RUNX1: variants seen among roughly 807,000 people sequenced by gnomAD.
The protein encoded by RUNX1 is runt-related transcription factor 1.
In RUNX1, 19 loss-of-function variants were observed where a neutral mutation model predicts 42.8. The ratio of observed to expected loss-of-function variants is 0.44; its 90% CI spans 0.31 to 0.65. The LOEUF is 0.65. Among genes scored for constraint, RUNX1 ranks in the 30% least tolerant of loss-of-function variants. The pLI is 0.07. For missense variants in RUNX1, 528 were observed against 672.0 expected, an observed-to-expected ratio of 0.79 and a Z score of 2.37; for synonymous variants, 271 against 289.4, an observed-to-expected ratio of 0.94 and a Z score of 0.64.
chr21:34,954,256 A>G (rs2051179), intron 2 of RUNX1, among the ~76,000 whole-genome samples: 1 of 151,970 alleles, frequency 6.6e-6, no homozygotes, highest in Admixed American at 6.5e-5. Context: ...TCCTACAGTC[A>G]TAGGCCTGGG....
intron 2 of RUNX1, among the ~76,000 whole-genome samples, chr21:34,991,698 T>C (rs1207665691): frequency 6.6e-6 from 1 of 152,210 alleles, no homozygotes; most frequent in Non-Finnish European, 1.5e-5. Flanking sequence ...CACGTCTGTA[T>C]GGTCTGAACT....
At chr21:34,873,170 C>T (rs968173999) in intron 5 of RUNX1, among the ~76,000 whole-genome samples, 1 of 152,194 alleles carries the variant, frequency 6.6e-6, no homozygotes, top group African/African-American at 2.4e-5. Flanking sequence ...TGTAAAGACC[C>T]CAACCCAATG....
intron 5 of RUNX1, among the ~76,000 whole-genome samples, chr21:34,863,915 G>A (rs2057617435): frequency 6.6e-6 from 1 of 152,076 alleles, no homozygotes; most frequent in Admixed American, 6.6e-5. Flanking sequence ...CCTCACAAAG[G>A]GCTCTTGTTT....
intron 2 of RUNX1, among the ~76,000 whole-genome samples, chr21:34,994,494 C>G (rs1200093138): frequency 6.6e-6 from 1 of 151,940 alleles, no homozygotes; most frequent in Non-Finnish European, 1.5e-5. Context: ...ATATTGCATG[C>G]CTATATCAAA....
At chr21:35,041,594 T>C (rs2059359445) in intron 2 of RUNX1, among the ~76,000 whole-genome samples, 1 of 151,956 alleles carries the variant, frequency 6.6e-6, no homozygotes, top group Non-Finnish European at 1.5e-5. Flanking sequence ...AATTTCTAAT[T>C]TCAAGAGAAA....
At chr21:34,834,198 A>G (rs1420905931) in intron 7 of RUNX1, 1 of 702,820 alleles carries the variant, frequency 1.4e-6, no homozygotes, top group Non-Finnish European at 2.6e-6. Context: ...ATCTGGTTAC[A>G]ATGCAGATCT....
chr21:34,890,329 C>G (rs2058066078), intron 3 of RUNX1, among the ~76,000 whole-genome samples: 1 of 152,102 alleles, frequency 6.6e-6, no homozygotes, highest in Non-Finnish European at 1.5e-5. Context: ...GAAGAACTAG[C>G]GTTCGAGGAT....
At chr21:35,014,430 C>A (rs2834732) in intron 2 of RUNX1, among the ~76,000 whole-genome samples, 2 of 151,964 alleles carry the variant, frequency 1.3e-5, no homozygotes, top group Non-Finnish European at 2.9e-5. Flanking sequence ...AGTCCAGGAT[C>A]GATACTTAGT....
At chr21:35,047,555 ACACACACTCTCTCTCT>A (rs1033215938) in intron 2 of RUNX1, among the ~76,000 whole-genome samples, 31 of 84,314 alleles carry the variant, frequency 3.7e-4, no homozygotes, top group East Asian at 2.6e-3. Context: ...ACACACACAC[ACACACACTCTCTCTCT>A]CTCTCTCTCT....
chr21:35,047,547 A>ACTCTCTCTCT (rs1568814239), intron 2 of RUNX1, among the ~76,000 whole-genome samples: 27 of 123,272 alleles, frequency 2.2e-4, no homozygotes, highest in East Asian at 1.2e-3. Flanking sequence ...ACACACACAC[A>ACTCTCTCTCT]CACACACACA....
chr21:34,809,843 T>G (rs1413157239), intron 7 of RUNX1, among the ~76,000 whole-genome samples: 3 of 152,106 alleles, frequency 2.0e-5, no homozygotes, highest in Non-Finnish European at 4.4e-5. Flanking sequence ...AAAAAAGAAG[T>G]GACTTTACGT....
rs186274523 is a variant in RUNX1, at chr21:34,963,692, C to G, written c.59-70729G>C. On this transcript the variant is annotated intron_variant, in intron 2 of 8. Coordinates refer to ENST00000675419, the MANE Select transcript of RUNX1 (RefSeq NM_001754.5). ...ACCCCCAAGAAGTATCACAACTGGG[C>G]AGGTCCGGAGGCGAGACAAGATGTG... Among the ~76,000 whole-genome samples the G allele has an allele frequency of 2.0e-5, 3 of 152,278 alleles. No individual in the cohort carries two copies. In the East Asian group the frequency reaches 5.8e-4, roughly 29 times the overall value.
intron 5 of RUNX1, among the ~76,000 whole-genome samples, chr21:34,870,819 G>A (rs530249576): frequency 2.6e-5 from 4 of 152,152 alleles, no homozygotes; most frequent in South Asian, 2.1e-4. Context: ...TTATCCAGGC[G>A]TGGTGGTGCA....
At chr21:34,793,850 C>A (rs764292608) in intron 8 of RUNX1, among the ~76,000 whole-genome samples, 2 of 151,826 alleles carry the variant, frequency 1.3e-5, no homozygotes, top group Non-Finnish European at 2.9e-5. Context: ...ATTACAGGCG[C>A]CCGCCACCAG....
chr21:34,911,592 G>A (rs2058272821), intron 2 of RUNX1, among the ~76,000 whole-genome samples: 1 of 152,142 alleles, frequency 6.6e-6, no homozygotes, highest in South Asian at 2.1e-4. Context: ...CATCCTTCCA[G>A]CTCTGCCCTT....
chr21:34,918,678 G>A (rs1283087628), intron 2 of RUNX1, among the ~76,000 whole-genome samples: 1 of 152,230 alleles, frequency 6.6e-6, no homozygotes, highest in Non-Finnish European at 1.5e-5. Flanking sequence ...GGGAGGCCAA[G>A]GCAGGTGGAT....
At chr21:34,844,233 C>T (rs565613551) in intron 6 of RUNX1, among the ~76,000 whole-genome samples, 7 of 152,250 alleles carry the variant, frequency 4.6e-5, no homozygotes, top group East Asian at 1.9e-4. Context: ...TGGCGGGTGG[C>T]GCACTATGGA....
chr21:34,986,193 T>C (rs191068246), intron 2 of RUNX1, among the ~76,000 whole-genome samples: 322 of 152,212 alleles, frequency 2.1e-3, no homozygotes, highest in African/African-American at 7.6e-3. Context: ...TGATCATTTA[T>C]GTCCCTAGAT....
At chr21:34,862,374 C>T (rs34038449) in intron 5 of RUNX1, among the ~76,000 whole-genome samples, 1 of 152,188 alleles carries the variant, frequency 6.6e-6, no homozygotes, top group East Asian at 1.9e-4. Flanking sequence ...ACTCTAGCAC[C>T]TCAGTGACTT....
Sources: allele counts gnomAD v4.1 joint callset (sites outside exome capture counted in the v4.1 genomes callset), GRCh38; gene constraint gnomAD v4.1.1; transcripts MANE v1.5; gene names NCBI Gene and HGNC (gene_info 2026-07-23, HGNC 2026-07-21).